NCKAP5: variants seen among roughly 807,000 people sequenced by gnomAD.
NCKAP5 encodes the protein nck-associated protein 5.
A neutral mutation model predicts 167.0 loss-of-function variants in NCKAP5; 92 were observed. The ratio of observed to expected loss-of-function variants is 0.55; its 90% CI spans 0.47 to 0.66. NCKAP5 has a LOEUF of 0.66. Ranked by LOEUF, NCKAP5 falls within the 30% of genes least tolerant of loss-of-function variation. The probability of loss-of-function intolerance (pLI) is 0.00; values close to 1 mark genes in which losing one functional copy is unlikely to be tolerated. For synonymous variants in NCKAP5, 891 were observed against 877.4 expected, an observed-to-expected ratio of 1.02 and a Z score of -0.27; for missense variants, 2,378 against 2,315.0, an observed-to-expected ratio of 1.03 and a Z score of -0.56.
At chr2:132,841,651 T>C (rs931615374) in intron 11 of NCKAP5, among the ~76,000 whole-genome samples, 4 of 152,100 alleles carry the variant, frequency 2.6e-5, no homozygotes, top group Non-Finnish European at 4.4e-5. Flanking sequence ...TTTTCTGTTG[T>C]TATATATACT....
chr2:133,462,969 A>G (rs1692297205), intron 3 of NCKAP5, among the ~76,000 whole-genome samples: 2 of 152,196 alleles, frequency 1.3e-5, no homozygotes, highest in African/African-American at 4.8e-5. Context: ...ACTTCACCGA[A>G]TATCTTCTTT....
At chr2:132,743,921 T>C (rs1457452006) in intron 16 of NCKAP5, among the ~76,000 whole-genome samples, 1 of 151,628 alleles carries the variant, frequency 6.6e-6, no homozygotes, top group East Asian at 1.9e-4. Flanking sequence ...ATGTAAACTT[T>C]AGAAAGGAAA....
At chr2:132,705,121 C>G (rs572441978) in intron 19 of NCKAP5, among the ~76,000 whole-genome samples, 1 of 152,226 alleles carries the variant, frequency 6.6e-6, no homozygotes, top group East Asian at 1.9e-4. Flanking sequence ...AGTTGTCCTC[C>G]CCTCTGCTCA....
At chr2:132,883,608 C>T (rs572188749) in intron 8 of NCKAP5, among the ~76,000 whole-genome samples, 1 of 152,326 alleles carries the variant, frequency 6.6e-6, no homozygotes, top group South Asian at 2.1e-4. Flanking sequence ...CCAGCCTTGC[C>T]CAACAGCCCA....
chr2:132,940,838 A>C (rs1697243805), intron 8 of NCKAP5, among the ~76,000 whole-genome samples: 1 of 152,018 alleles, frequency 6.6e-6, no homozygotes. Flanking sequence ...GGTGTTAAGA[A>C]GTGATACTTT....
chr2:133,236,740 C>A (rs910218730), intron 4 of NCKAP5, among the ~76,000 whole-genome samples: 3 of 152,148 alleles, frequency 2.0e-5, no homozygotes, highest in Admixed American at 6.5e-5. Context: ...AAGTCACAGC[C>A]TTTTATTCAT....
At chr2:133,154,357 T>C (rs1162880516) in intron 5 of NCKAP5, among the ~76,000 whole-genome samples, 1 of 152,202 alleles carries the variant, frequency 6.6e-6, no homozygotes, top group African/African-American at 2.4e-5. Context: ...GGACCATGTC[T>C]TAAAGCCACC....
intron 7 of NCKAP5, among the ~76,000 whole-genome samples, chr2:132,970,414 G>C (rs1419007552): frequency 6.6e-6 from 1 of 152,152 alleles, no homozygotes; most frequent in Non-Finnish European, 1.5e-5. Context: ...AAGTTGAAGA[G>C]AATAAGTTGA....
intron 19 of NCKAP5, among the ~76,000 whole-genome samples, chr2:132,693,619 CTTTTTTTTTTT>C (rs1185832600): frequency 3.6e-5 from 3 of 84,470 alleles, no homozygotes; most frequent in Non-Finnish European, 6.5e-5. Context: ...CCCACCCCGC[CTTTTTTTTTTT>C]TTTTTTTTTT....
chr2:133,390,282 C>T (rs776333987), intron 3 of NCKAP5, among the ~76,000 whole-genome samples: 33 of 152,104 alleles, frequency 2.2e-4, no homozygotes, highest in Non-Finnish European at 3.4e-4. Flanking sequence ...ATTTTACAAC[C>T]GGAAACTATT....
At chr2:132,948,073 G>T (rs1697894932) in intron 8 of NCKAP5, among the ~76,000 whole-genome samples, 1 of 152,120 alleles carries the variant, frequency 6.6e-6, no homozygotes, top group African/African-American at 2.4e-5. Context: ...GGGAAGAGAG[G>T]GGAACTGTGA....
chr2:133,559,641 A>G (rs1688018871), intron 1 of NCKAP5, among the ~76,000 whole-genome samples: 1 of 152,162 alleles, frequency 6.6e-6, no homozygotes, highest in Non-Finnish European at 1.5e-5. Context: ...ACTACATTTT[A>G]TGGATGGGGA....
intron 3 of NCKAP5, among the ~76,000 whole-genome samples, chr2:133,509,367 C>T (rs112808553): frequency 2.3e-3 from 349 of 152,278 alleles, no homozygotes; most frequent in African/African-American, 8.1e-3. Context: ...AAAAACTTTA[C>T]ACACACACAC....
intron 6 of NCKAP5, among the ~76,000 whole-genome samples, chr2:133,064,363 T>G (rs948377146): frequency 6.6e-6 from 1 of 152,318 alleles, no homozygotes; most frequent in Middle Eastern, 3.4e-3. Flanking sequence ...ATGGTTTGTG[T>G]AGGAGAAGAA....
intron 3 of NCKAP5, among the ~76,000 whole-genome samples, chr2:133,313,065 G>A (rs1681357631): frequency 6.6e-6 from 1 of 152,084 alleles, no homozygotes; most frequent in Non-Finnish European, 1.5e-5. Flanking sequence ...GCTCAGTTCA[G>A]CACATTTTTT....
intron 6 of NCKAP5, among the ~76,000 whole-genome samples, chr2:133,056,991 A>G (rs1201663387): frequency 3.9e-5 from 6 of 152,162 alleles, no homozygotes; most frequent in African/African-American, 1.4e-4. Flanking sequence ...GCTCTGTCAC[A>G]TTTTGGTCAT....
chr2:132,812,466 C>A (rs947590802), intron 11 of NCKAP5, among the ~76,000 whole-genome samples: 3 of 152,150 alleles, frequency 2.0e-5, no homozygotes, highest in Non-Finnish European at 4.4e-5. Context: ...CCTATGGCAC[C>A]TCATTCTCTG....
chr2:132,849,553 G>C (rs1574414566), intron 11 of NCKAP5, among the ~76,000 whole-genome samples: 1 of 152,134 alleles, frequency 6.6e-6, no homozygotes, highest in Non-Finnish European at 1.5e-5. Context: ...ATCATTTGTT[G>C]CACCTCCCTG....
chr2:132,926,731 A>AT (rs1398513588), intron 8 of NCKAP5, among the ~76,000 whole-genome samples: 1 of 151,500 alleles, frequency 6.6e-6, no homozygotes, highest in African/African-American at 2.4e-5. Flanking sequence ...TTATTTGTGG[A>AT]TTTTTGTTGC....
Sources: gnomAD v4.1 joint callset for allele counts (sites outside exome capture counted in the v4.1 genomes callset) on GRCh38, gnomAD v4.1.1 for gene constraint, MANE v1.5 for transcripts, NCBI Gene and HGNC (gene_info 2026-07-23, HGNC 2026-07-21) for gene names.